The following CDH4 variants were observed in gnomAD, a reference collection of about 807,000 sequenced individuals.
CDH4 encodes the protein cadherin 4.
A neutral mutation model predicts 86.0 loss-of-function variants in CDH4; 33 were observed. The observed-to-expected ratio is 0.38, with a 90% CI of 0.29 to 0.51. The LOEUF (loss-of-function observed/expected upper bound fraction) is 0.51. Ranked by LOEUF, CDH4 falls within the 20% of genes least tolerant of loss-of-function variation. The pLI is 0.86. For synonymous variants in CDH4, 555 were observed against 549.4 expected, an observed-to-expected ratio of 1.01 and a Z score of -0.14; for missense variants, 1,114 against 1,307.4, an observed-to-expected ratio of 0.85 and a Z score of 2.28.
rs1235763688 is a variant in CDH4, at chr20:61,810,402, C to T, written c.577-34266C>T. Among the ~76,000 whole-genome samples, 5 of 152,344 alleles carry T rather than the reference C, an allele frequency of 3.3e-5. No homozygotes were observed. Among genetic ancestry groups the T allele is most frequent in the East Asian group, 1.9e-4 (1 of 5,184 alleles). ...GACTCTTCCCAGCAAAAACTGCCCT[C>T]GGCCAAGTTTCTGACCTGGGTTCTC... On this transcript the variant is annotated intron_variant, in intron 4 of 15. Coordinates refer to ENST00000614565, the MANE Select transcript of CDH4 (RefSeq NM_001794.5). The surrounding 1 kb of genome is among the most constrained non-coding windows in gnomAD (Gnocchi z 4.3).
rs531623566 is a variant in CDH4, at chr20:61,899,139, TA to T, written c.1188+4093del. Among the ~76,000 whole-genome samples the T allele has an allele frequency of 5.3e-5, 8 of 151,994 alleles. No homozygotes were observed. The East Asian group carries it at 1.6e-3, about 29-fold the overall frequency. Reference sequence around the variant, plus strand: ...TGAAACCCCATCTCTACTAAAAATATATATTTTAAAAAAAAATTAGCCGGGT... The same window carrying T: ...TGAAACCCCATCTCTACTAAAAATATTATTTTAAAAAAAAATTAGCCGGGT... On this transcript the variant is annotated intron_variant, in intron 8 of 15. Transcript: ENST00000614565.
Position 61,938,735 on chromosome 20 carries a change from A to G in CDH4, c.*1792A>G, listed in dbSNP as rs1275971528. Reference sequence around the variant, plus strand: ...GGCTAAGGTCATGCCTTTTCTGAACAGCTTTGGCCTTGAGTGCACACATCT... The same window carrying G: ...GGCTAAGGTCATGCCTTTTCTGAACGGCTTTGGCCTTGAGTGCACACATCT... On this transcript the variant is annotated 3_prime_UTR_variant, in exon 16 of 16. Transcript: ENST00000614565. The G allele has an allele frequency of 1.3e-5, 2 of 152,306 alleles. No individual in the cohort carries two copies. The highest frequency in any genetic ancestry group is 4.8e-5 in the African/African-American group (2 of 41,458). The allele number at this position is 152,306 out of a possible 1,614,324, so 9.4% of individuals were successfully genotyped here. A position where few individuals can be genotyped will look rare whatever the true frequency, so the allele number is the denominator to read the frequency against.
intron 2 of CDH4, among the ~76,000 whole-genome samples, chr20:61,504,228 C>G (rs1021887580): frequency 6.6e-6 from 1 of 152,194 alleles, no homozygotes. Context: ...CACTGGGGCG[C>G]GAGCCTCTGC....
At chr20:61,775,569 A>G (rs1393020509) in intron 4 of CDH4, among the ~76,000 whole-genome samples, 17 of 152,212 alleles carry the variant, frequency 1.1e-4, no homozygotes, top group Non-Finnish European at 2.9e-5. Context: ...AACTTTATTT[A>G]CAAAAACAGG....
intron 2 of CDH4, among the ~76,000 whole-genome samples, chr20:61,270,194 C>T (rs2427021): frequency 0.13 from 19,827 of 152,160 alleles, 1,370 homozygotes; most frequent in Middle Eastern, 0.27. Flanking sequence ...CGTAAGTTAC[C>T]GGCTATCGTT....
intron 15 of CDH4, among the ~76,000 whole-genome samples, 153 bp downstream of exon 15, chr20:61,934,373 C>T (rs1458426514): frequency 6.6e-6 from 1 of 152,246 alleles, no homozygotes; most frequent in Non-Finnish European, 1.5e-5. Context: ...CTCTGCCCCT[C>T]CAGCGGGGTG....
rs1266167155 is a variant in CDH4, at chr20:61,940,216, G to A, written c.*3273G>A. On this transcript the variant is annotated 3_prime_UTR_variant, in exon 16 of 16. Transcript: ENST00000614565. ...GGGGGACCACCTCTCTGTACAATTGGAATGCGTTTTACTTTTCTTTTCTCT... is the reference window on the plus strand; with the variant it reads ...GGGGGACCACCTCTCTGTACAATTGAAATGCGTTTTACTTTTCTTTTCTCT... 1 of 152,160 alleles carries A rather than the reference G, an allele frequency of 6.6e-6. No individual in the cohort carries two copies. The highest frequency in any genetic ancestry group is 2.4e-5 in the African/African-American group (1 of 41,434). The allele number at this position is 152,160 out of a possible 1,614,324, so 9.4% of individuals were successfully genotyped here.
intron 2 of CDH4, among the ~76,000 whole-genome samples, chr20:61,721,169 A>G (rs1180761130): frequency 6.6e-6 from 1 of 152,178 alleles, no homozygotes; most frequent in Non-Finnish European, 1.5e-5. Flanking sequence ...CAGGATGAGT[A>G]TGTCTCTTCT....
intron 4 of CDH4, among the ~76,000 whole-genome samples, chr20:61,785,415 G>A (rs983333942): frequency 6.6e-6 from 1 of 152,312 alleles, no homozygotes; most frequent in Non-Finnish European, 1.5e-5. Context: ...TCAGTGAATC[G>A]CTGCTGGAGG....
chr20:61,816,054 A>G (rs1980698994), intron 4 of CDH4, among the ~76,000 whole-genome samples: 2 of 152,126 alleles, frequency 1.3e-5, no homozygotes, highest in African/African-American at 4.8e-5. Flanking sequence ...GAGGTTCCCC[A>G]AGCGGCTCCC....
At position 61,779,760 on chromosome 20, in the gene CDH4, T is replaced by A. The variant is rs115132078; in HGVS notation, c.576+6578T>A. On this transcript the variant is annotated intron_variant, in intron 4 of 15. Coordinates refer to ENST00000614565, the MANE Select transcript of CDH4 (RefSeq NM_001794.5). ...GCTCTGGACTGCTTCAGCAAATGAG[T>A]GATGCCCCGAGCTGGGTCTGCATCC... is the stretch of plus-strand genomic sequence containing the variant. 2.1e-3 allele frequency among the ~76,000 whole-genome samples: 321 copies of A among 152,264 alleles called. 2 individuals carry two copies. The highest frequency in any genetic ancestry group is 7.5e-3 in the African/African-American group (310 of 41,548).
chr20:61,589,446 A>G (rs1431292113), intron 2 of CDH4, among the ~76,000 whole-genome samples: 2 of 152,174 alleles, frequency 1.3e-5, no homozygotes, highest in Non-Finnish European at 2.9e-5. Context: ...CTTTGTTTCT[A>G]ATGTGTAAAT....
At chr20:61,764,446 G>C (rs968621217) in intron 3 of CDH4, among the ~76,000 whole-genome samples, 1 of 152,150 alleles carries the variant, frequency 6.6e-6, no homozygotes, top group Admixed American at 6.5e-5. Context: ...GAGGATGCCT[G>C]TATTTGAGAT....
At chr20:61,362,754 C>A (rs565105522) in intron 2 of CDH4, among the ~76,000 whole-genome samples, 1 of 152,064 alleles carries the variant, frequency 6.6e-6, no homozygotes, top group South Asian at 2.1e-4. Context: ...GACAGGGGCA[C>A]CTGAGACAGC....
intron 13 of CDH4, among the ~76,000 whole-genome samples, chr20:61,930,405 G>A (rs148935913): frequency 6.6e-6 from 1 of 152,330 alleles, no homozygotes; most frequent in Non-Finnish European, 1.5e-5. Context: ...GGGGGGCGGT[G>A]CCAGGGGAGG....
chr20:61,317,013 C>CT (rs71185915), intron 2 of CDH4, among the ~76,000 whole-genome samples: 18,232 of 143,494 alleles, frequency 0.13, 1,971 homozygotes, highest in African/African-American at 0.3. Context: ...CCTGCTATTT[C>CT]TTTTTTTTTT....
intron 2 of CDH4, among the ~76,000 whole-genome samples, chr20:61,704,975 A>G (rs1363885906): frequency 6.6e-6 from 1 of 152,176 alleles, no homozygotes; most frequent in East Asian, 1.9e-4. Flanking sequence ...GTCCAACCAA[A>G]GGACCCGGGT....
rs2146101685 is a variant in CDH4, at chr20:61,844,650, T to C, written c.577-18T>C. 6.2e-7 allele frequency: 1 copy of C among 1,601,608 alleles called. No homozygotes were observed. The highest frequency in any genetic ancestry group is 1.3e-5 in the African/African-American group (1 of 74,890). On this transcript the variant is annotated intron_variant, in intron 4 of 15. Transcript: ENST00000614565. Reference sequence around the variant, plus strand: ...TCACCACAGGATAACCTCTTCTCGCTTTGCTCCTGCCTTTCAGATCCGGTC... The same window carrying C: ...TCACCACAGGATAACCTCTTCTCGCCTTGCTCCTGCCTTTCAGATCCGGTC...
intron 4 of CDH4, among the ~76,000 whole-genome samples, chr20:61,798,526 ACTC>A (rs1478881693): frequency 6.6e-6 from 1 of 152,028 alleles, no homozygotes; most frequent in African/African-American, 2.4e-5. Context: ...GAAGAAAACT[ACTC>A]AACAGACGCG....
Sources: allele counts gnomAD v4.1 joint callset (sites outside exome capture counted in the v4.1 genomes callset), GRCh38; gene constraint gnomAD v4.1.1; non-coding constraint Gnocchi (gnomAD v3.1); transcripts MANE v1.5; gene names NCBI Gene and HGNC (gene_info 2026-07-23, HGNC 2026-07-21).